PAK3: variants seen among roughly 807,000 people sequenced by gnomAD.
The protein encoded by PAK3 is serine/threonine-protein kinase PAK 3.
In PAK3, 4 loss-of-function variants were observed where a neutral mutation model predicts 41.0. The ratio of observed to expected loss-of-function variants is 0.10; its 90% CI spans 0.05 to 0.22. PAK3 has a LOEUF of 0.22. Among genes scored for constraint, PAK3 ranks in the 10% least tolerant of loss-of-function variants. The probability of loss-of-function intolerance (pLI) is 1.00; values close to 1 mark genes in which losing one functional copy is unlikely to be tolerated. For synonymous variants in PAK3, 146 were observed against 139.6 expected (o/e 1.05, Z -0.32); for missense variants, 205 against 409.9 (o/e 0.50, Z 4.32).
At chrX:111,031,281 C>G (rs1477800730) in intron 1 of PAK3, among the ~76,000 whole-genome samples, 1 of 111,027 alleles carries the variant, frequency 9.0e-6, no homozygotes, top group Non-Finnish European at 1.9e-5. Flanking sequence ...GGGTGATGAG[C>G]TAGAGAGGGT....
At chrX:111,172,086 G>C (rs947355831) in intron 10 of PAK3, among the ~76,000 whole-genome samples, 1 of 111,642 alleles carries the variant, frequency 9.0e-6, no homozygotes, top group Non-Finnish European at 1.9e-5. Context: ...ATATAGCATA[G>C]TGCTTAACTT....
At chrX:111,015,309 A>G (rs1386221850) in intron 1 of PAK3, among the ~76,000 whole-genome samples, 1 of 111,031 alleles carries the variant, frequency 9.0e-6, no homozygotes, top group Non-Finnish European at 1.9e-5. Context: ...ATAATATTCC[A>G]CTGTATGGAT....
intron 13 of PAK3, among the ~76,000 whole-genome samples, chrX:111,193,348 C>CTTT (rs758912089): frequency 2.3e-5 from 2 of 86,201 alleles, no homozygotes; most frequent in Admixed American, 1.3e-4. Flanking sequence ...TTTTACAGTC[C>CTTT]TTTTTTTTTT....
At chrX:111,171,543 T>A (rs1022618211) in intron 10 of PAK3, among the ~76,000 whole-genome samples, 2 of 111,623 alleles carry the variant, frequency 1.8e-5, no homozygotes, top group African/African-American at 6.5e-5. Context: ...ATCCTCTGAG[T>A]GATGGACTGG....
chrX:111,006,130 C>G (rs1028698678), intron 1 of PAK3, among the ~76,000 whole-genome samples: 5 of 111,921 alleles, frequency 4.5e-5, no homozygotes, highest in Non-Finnish European at 9.4e-5. Context: ...GAGATTATGT[C>G]TTAATTGCTA....
At chrX:110,950,529 T>C (rs1453693601) in intron 1 of PAK3, among the ~76,000 whole-genome samples, 1 of 111,720 alleles carries the variant, frequency 9.0e-6, no homozygotes, top group African/African-American at 3.3e-5. Flanking sequence ...ATCTAGGTTT[T>C]AAGCCCCGCA....
At chrX:111,172,342 G>A (rs1471173479) in intron 10 of PAK3, among the ~76,000 whole-genome samples, 1 of 111,510 alleles carries the variant, frequency 9.0e-6, no homozygotes, top group African/African-American at 3.3e-5. Context: ...GCACATTTTT[G>A]TATTTTATAA....
intron 1 of PAK3, among the ~76,000 whole-genome samples, chrX:110,993,433 C>A (rs1277092983): frequency 1.8e-5 from 2 of 111,358 alleles, no homozygotes; most frequent in Non-Finnish European, 3.8e-5. Context: ...CAATTTTGTT[C>A]TTCAACATAT....
chrX:110,995,309 C>G (rs778327017), intron 1 of PAK3, among the ~76,000 whole-genome samples: 3 of 111,307 alleles, frequency 2.7e-5, no homozygotes, highest in African/African-American at 9.8e-5. Flanking sequence ...CAACTGGGCC[C>G]CCTTTCTAGG....
chrX:111,088,807 T>C (rs1307209875), intron 1 of PAK3, among the ~76,000 whole-genome samples: 2 of 111,981 alleles, frequency 1.8e-5, no homozygotes, highest in Non-Finnish European at 3.8e-5. Context: ...GTTATGGCCT[T>C]TTACAACTGC....
intron 3 of PAK3, among the ~76,000 whole-genome samples, chrX:111,102,354 G>A (rs1186443464): frequency 8.9e-6 from 1 of 112,049 alleles, no homozygotes; most frequent in Non-Finnish European, 1.9e-5. Flanking sequence ...TAAGAAACCT[G>A]GGGAGTACTG....
chrX:111,132,105 G>A (rs753736068), intron 5 of PAK3, among the ~76,000 whole-genome samples: 33 of 110,747 alleles, frequency 3.0e-4, no homozygotes, highest in Non-Finnish European at 5.7e-4. Flanking sequence ...CTTGTTTGGG[G>A]CACTAACTGA....
rs770811458 is a variant in PAK3 at position 111,074,310 on chromosome X, G to C, written c.-27-48767G>C. Among the ~76,000 whole-genome samples, 118 of 111,539 alleles carry C rather than the reference G, an allele frequency of 1.1e-3. 1 individual carries two copies. The highest frequency in any genetic ancestry group is 3.8e-3 in the African/African-American group (115 of 30,632). Reference sequence around the variant, plus strand: ...TGGATCATGGGGGATGATCCCTCATGAATGGCTTAGCACCAACCCTTTGGT... The same window carrying C: ...TGGATCATGGGGGATGATCCCTCATCAATGGCTTAGCACCAACCCTTTGGT... On this transcript the variant is annotated intron_variant, in intron 1 of 14. Transcript: ENST00000425146.
intron 1 of PAK3, among the ~76,000 whole-genome samples, chrX:110,989,054 A>G (rs1165297487): frequency 8.9e-6 from 1 of 112,348 alleles, no homozygotes; most frequent in African/African-American, 3.2e-5. Flanking sequence ...ATCAACCAGC[A>G]TCATCTTTTC....
intron 1 of PAK3, among the ~76,000 whole-genome samples, chrX:110,975,403 G>A (rs2091307615): frequency 9.0e-6 from 1 of 111,458 alleles, no homozygotes; most frequent in East Asian, 2.8e-4. Flanking sequence ...AACTAACAAG[G>A]GATGTGAAGG....
chrX:111,006,849 C>CTTTCTTTCTTTCTTTCTTTCTTTTTTT (rs1556434441), intron 1 of PAK3, among the ~76,000 whole-genome samples: 2 of 42,687 alleles, frequency 4.7e-5, no homozygotes, highest in Admixed American at 3.8e-4. Flanking sequence ...TTCTTTCTTT[C>CTTTCTTTCTTTCTTTCTTTCTTTTTTT]TTTTTTTTTT....
chrX:111,105,388 A>G (rs2093237429), intron 4 of PAK3, among the ~76,000 whole-genome samples: 1 of 111,240 alleles, frequency 9.0e-6, no homozygotes. Context: ...CAAATAATAC[A>G]TTGACATTCC....
At position 111,173,004 on chromosome X, in the gene PAK3, C is replaced by A. The variant is rs764703896; in HGVS notation, c.767-14C>A. On this transcript the variant is annotated splice_polypyrimidine_tract_variant and intron_variant, in intron 10 of 17. Coordinates refer to ENST00000372007, the MANE Select transcript of PAK3 (RefSeq NM_002578.5). ...ACCTCCTCCTCTTTTCTTCTCTCCC[C>A]ACCCATCTCTTAGGAAGCATTGTGA... 3 of 1,013,812 alleles carry A rather than the reference C, an allele frequency of 3.0e-6. No homozygotes were observed. The Admixed American group carries it at 6.6e-5, about 22-fold the overall frequency. 83.5% of individuals were successfully genotyped at this position (1,013,812 alleles called of 1,213,427 possible). A position where few individuals can be genotyped will look rare whatever the true frequency, so the allele number is the denominator to read the frequency against.
intron 16 of PAK3, among the ~76,000 whole-genome samples, chrX:111,207,801 T>A (rs893507907): frequency 4.6e-4 from 52 of 111,866 alleles, no homozygotes; most frequent in African/African-American, 1.6e-3. Context: ...AGGTTTTGTT[T>A]TGTTTTGTTT....
Sources: gnomAD v4.1 joint callset for allele counts (sites outside exome capture counted in the v4.1 genomes callset) on GRCh38, gnomAD v4.1.1 for gene constraint, MANE v1.5 for transcripts, NCBI Gene and HGNC (gene_info 2026-07-23, HGNC 2026-07-21) for gene names.